P2RX1: variants seen among roughly 807,000 people sequenced by gnomAD.
P2RX1 encodes the protein purinergic receptor P2X 1, also known as P2X purinoceptor 1.
A neutral mutation model predicts 50.3 loss-of-function variants in P2RX1; 42 were observed. The ratio of observed to expected loss-of-function variants is 0.83; its 90% CI spans 0.65 to 1.08. The LOEUF is 1.08. Ranked by LOEUF, P2RX1 falls within the 50% of genes least tolerant of loss-of-function variation. The pLI is 0.00. For missense variants in P2RX1, 449 were observed against 529.0 expected (o/e 0.85, Z 1.48); for synonymous variants, 199 against 202.6 (o/e 0.98, Z 0.15).
chr17:3,903,663 C>T lies in P2RX1; in HGVS notation c.525-32G>A, dbSNP rs376073338. ...GACACCACACGCACTCACCGCCCCT[C>T]CCCAGGAGGCCCCCTGTGTGTCCCA... is the stretch of plus-strand genomic sequence containing the variant. On this transcript the variant is annotated intron_variant, in intron 5 of 11. Transcript: ENST00000225538. The surrounding 1 kb of genome is among the most constrained non-coding windows in gnomAD (Gnocchi z 4.6). 1.9e-6 allele frequency: 3 copies of T among 1,602,046 alleles called. No homozygotes were observed. Among genetic ancestry groups the T allele is most frequent in the Admixed American group, 1.7e-5 (1 of 59,994 alleles).
In P2RX1 at chr17:3,903,178, C is replaced by T. The variant is rs772694620; in HGVS notation, c.747+24G>A. 5.1e-5 allele frequency: 83 copies of T among 1,613,732 alleles called. No homozygotes were observed. The highest frequency in any genetic ancestry group is 4.9e-4 in the Middle Eastern group (3 of 6,084). ...GGATCCTGCGGCCCAGCCCTCCCCACGTGCCTGGCACCATGCTCCATACCT... is the reference window on the plus strand; with the variant it reads ...GGATCCTGCGGCCCAGCCCTCCCCATGTGCCTGGCACCATGCTCCATACCT... On this transcript the variant is annotated intron_variant, in intron 7 of 11. Transcript: ENST00000225538. The surrounding 1 kb of genome is among the most constrained non-coding windows in gnomAD (Gnocchi z 4.6).
At chr17:3,911,824 TC>T (rs909082978) in intron 1 of P2RX1, among the ~76,000 whole-genome samples, 51 of 152,272 alleles carry the variant, frequency 3.3e-4, no homozygotes, top group Admixed American at 2.6e-3. Context: ...TCACACTGTG[TC>T]CCGACAGGAG....
rs1041815365 is a variant in P2RX1 at position 3,903,094 on chromosome 17, T to A, written c.747+108A>T. ...GTATCAGGGGACAGACCCATACATATACTCAGCCCTCACCGAGGAGACTTG... is the reference window on the plus strand; with the variant it reads ...GTATCAGGGGACAGACCCATACATAAACTCAGCCCTCACCGAGGAGACTTG... On this transcript the variant is annotated intron_variant, in intron 7 of 11. Coordinates refer to ENST00000225538, the MANE Select transcript of P2RX1 (RefSeq NM_002558.4). This position sits in a 1 kb window ranked among gnomAD's most constrained non-coding sequence, Gnocchi z 4.6. The A allele has an allele frequency of 2.0e-6, 3 of 1,475,460 alleles. No individual in the cohort carries two copies. The highest frequency in any genetic ancestry group is 1.4e-5 in the African/African-American group (1 of 72,504). The allele number at this position is 1,475,460 out of a possible 1,614,324, so 91.4% of individuals were successfully genotyped here.
chr17:3,905,731 C>T (rs2056250100), intron 1 of P2RX1, among the ~76,000 whole-genome samples: 1 of 151,754 alleles, frequency 6.6e-6, no homozygotes, highest in Non-Finnish European at 1.5e-5. Flanking sequence ...CCTGTAATCC[C>T]AGCTACCTGG....
chr17:3,904,282 G>A (rs755293836), intron 4 of P2RX1, 48 bp downstream of exon 4: 1 of 1,562,084 alleles, frequency 6.4e-7, no homozygotes, highest in Non-Finnish European at 8.8e-7. Flanking sequence ...AGGACGTCAG[G>A]GACCGCAGCC....
Position 3,899,577 on chromosome 17 carries a change from G to C in P2RX1, c.875+57C>G, listed in dbSNP as rs898770650. On this transcript the variant is annotated intron_variant, in intron 8 of 11. Transcript: ENST00000225538. ...TTCTCAGACCTGAAGTGTTCTGGGA[G>C]TAGAAAAGCCCGCAGGACCACAAGG... The C allele has an allele frequency of 4.4e-6, 7 of 1,604,794 alleles. No individual in the cohort carries two copies. In the Admixed American group the frequency reaches 1.0e-4, roughly 23 times the overall value.
chr17:3,904,142 G>A (rs2056210931), intron 4 of P2RX1, 118 bp from the exon 5 acceptor site: 15 of 1,038,784 alleles, frequency 1.4e-5, no homozygotes, highest in East Asian at 2.5e-5. Flanking sequence ...GGACAGAAAC[G>A]TGGCTGGGTC....
rs1381476977 is a variant in P2RX1 at position 3,914,583 on chromosome 17, C to T, written c.137+1506G>A. On this transcript the variant is annotated intron_variant, in intron 1 of 11. Transcript: ENST00000225538. This position sits in a 1 kb window ranked among gnomAD's most constrained non-coding sequence, Gnocchi z 4.1. The stretch of plus-strand genomic sequence containing the variant: ...CCTCTTCCAGCAAGGGTAGGCTGGG[C>T]CTGCGCAGACAGCCTCTCCCAGGGA... Among the ~76,000 whole-genome samples the T allele has an allele frequency of 2.0e-5, 3 of 152,146 alleles. No individual in the cohort carries two copies. The highest frequency in any genetic ancestry group is 4.4e-5 in the Non-Finnish European group (3 of 68,030).
rs946142530 is a variant in P2RX1 at position 3,903,087 on chromosome 17, A to G, written c.747+115T>C. 7.0e-7 allele frequency: 1 copy of G among 1,427,564 alleles called. No individual in the cohort carries two copies. The highest frequency in any genetic ancestry group is 1.9e-5 in the Admixed American group (1 of 53,844). 88.4% of individuals were successfully genotyped at this position (1,427,564 alleles called of 1,614,324 possible). ...GGCCCCAGTATCAGGGGACAGACCC[A>G]TACATATACTCAGCCCTCACCGAGG... On this transcript the variant is annotated intron_variant, in intron 7 of 11. Transcript: ENST00000225538. This position sits in a 1 kb window ranked among gnomAD's most constrained non-coding sequence, Gnocchi z 4.6.
At chr17:3,902,949 G>A (rs541848083) in intron 7 of P2RX1, among the ~76,000 whole-genome samples, 2 of 143,816 alleles carry the variant, frequency 1.4e-5, no homozygotes, top group East Asian at 1.9e-4. Context: ...TTAAAGCAGG[G>A]CATCAACAAA....
Position 3,903,567 on chromosome 17 carries a change from G to A in P2RX1, c.589C>T (p.Arg197Cys), listed in dbSNP as rs139272359. 4.5e-5 allele frequency: 72 copies of A among 1,614,088 alleles called. No homozygotes were observed. The African/African-American group carries it at 8.0e-4, about 18-fold the overall frequency. The change falls in exon 6 of 12, where the codon CGC (arginine) becomes TGC (cysteine). Residue 197 changes from arginine to cysteine, a missense_variant. By Grantham distance (180) the Arg-to-Cys change is radical. Coordinates refer to ENST00000225538, the MANE Select transcript of P2RX1 (RefSeq NM_002558.4). The surrounding 1 kb of genome is among the most constrained non-coding windows in gnomAD (Gnocchi z 4.6). ...CCCACGCACCTGTTGACCTTGAAGC[G>A]TGGAAAGCTGATGCTGTTCTTGATG... ...LFIKNSISFP[R>C]FKVNRRNLVE...
rs1051467200 is a variant in P2RX1, at chr17:3,904,185, G to T, written c.427+145C>A. 4.3e-5 allele frequency: 43 copies of T among 993,048 alleles called. No individual in the cohort carries two copies. In the African/African-American group the frequency reaches 6.3e-4, roughly 15 times the overall value. 61.5% of individuals were successfully genotyped at this position (993,048 alleles called of 1,614,324 possible). A position where few individuals can be genotyped will look rare whatever the true frequency, so the allele number is the denominator to read the frequency against. On this transcript the variant is annotated intron_variant, in intron 4 of 11. Transcript: ENST00000225538. Reference sequence around the variant, plus strand: ...GGCAGGCCAAGCCAGGGCGGAGGAGGGGAGACGGCAGGAGGGAGTCCCTCC... The same window carrying T: ...GGCAGGCCAAGCCAGGGCGGAGGAGTGGAGACGGCAGGAGGGAGTCCCTCC...
At chr17:3,901,199 C>A (rs1258302786) in intron 7 of P2RX1, among the ~76,000 whole-genome samples, 1 of 152,188 alleles carries the variant, frequency 6.6e-6, no homozygotes, top group Admixed American at 6.5e-5. Context: ...TCCTGAGTAG[C>A]TGAGATTACA....
chr17:3,906,163 G>A (rs147741936), intron 1 of P2RX1, among the ~76,000 whole-genome samples: 243 of 151,996 alleles, frequency 1.6e-3, no homozygotes, highest in African/African-American at 5.7e-3. Context: ...ACGGAGTCTC[G>A]CTTTGTCACC....
chr17:3,902,022 CT>C (rs1260044631), intron 7 of P2RX1, among the ~76,000 whole-genome samples: 1 of 152,226 alleles, frequency 6.6e-6, no homozygotes, highest in Non-Finnish European at 1.5e-5. Flanking sequence ...TAGTTCTGCG[CT>C]CATAGGGACT....
At position 3,904,328 on chromosome 17, in the gene P2RX1, AC is replaced by A. The variant is rs773374098; in HGVS notation, c.427+1del. 1.2e-6 allele frequency: 2 copies of A among 1,613,504 alleles called. No homozygotes were observed. The highest frequency in any genetic ancestry group is 3.3e-5 in the Admixed American group (2 of 60,030). On this transcript the variant is annotated splice_donor_variant, in intron 4 of 11. Coordinates refer to ENST00000225538, the MANE Select transcript of P2RX1 (RefSeq NM_002558.4). LOFTEE classifies it high-confidence loss of function. The stretch of plus-strand genomic sequence containing the variant: ...GGAGGGACAGGAGGAGGCTGACCTT[AC>A]CTTGGGCCTTCCTCTTGGCCTTCCC...
chr17:3,903,424 C>G lies in P2RX1; in HGVS notation c.606-81G>C. ...CACGCCCCAAAGCCTGGGGACCCCT[C>G]ACAGGCTCCACATTGCCCCTTTGAT... On this transcript the variant is annotated intron_variant, in intron 6 of 11. Transcript: ENST00000225538. This position sits in a 1 kb window ranked among gnomAD's most constrained non-coding sequence, Gnocchi z 4.6. 1 of 1,596,572 alleles carries G rather than the reference C, an allele frequency of 6.3e-7. No individual in the cohort carries two copies.
rs544591469 is a variant in P2RX1 at position 3,905,618 on chromosome 17, C to T, written c.138-251G>A. Among the ~76,000 whole-genome samples the T allele has an allele frequency of 7.3e-4, 111 of 152,256 alleles. 1 individual carries two copies. The highest frequency in any genetic ancestry group is 3.9e-3 in the South Asian group (19 of 4,826). On this transcript the variant is annotated intron_variant, in intron 1 of 11. Transcript: ENST00000225538. ...ATCCCAGCATTTTGGGAGGCCGAGG[C>T]GGGTGGATCACCTGAGGTCAGGAAT...
chr17:3,898,379 G>A (rs1332932481), intron 10 of P2RX1, 105 bp downstream of exon 10: 20 of 933,490 alleles, frequency 2.1e-5, no homozygotes, highest in East Asian at 2.6e-5. Flanking sequence ...AAAAATGATA[G>A]ACAGTTAGGG....
Sources: allele counts gnomAD v4.1 joint callset (sites outside exome capture counted in the v4.1 genomes callset), GRCh38; gene constraint gnomAD v4.1.1; non-coding constraint Gnocchi (gnomAD v3.1); transcripts MANE v1.5; gene names NCBI Gene and HGNC (gene_info 2026-07-23, HGNC 2026-07-21).